FNDC3B: variants seen among roughly 807,000 people sequenced by gnomAD.
FNDC3B encodes fibronectin type III domain-containing protein 3B.
A neutral mutation model predicts 151.5 loss-of-function variants in FNDC3B; 12 were observed. The observed-to-expected ratio is 0.08, with a 90% CI of 0.05 to 0.13. The LOEUF is 0.13. FNDC3B is among the 10% of genes least tolerant of loss of function. The pLI, the probability that FNDC3B is intolerant of heterozygous loss-of-function variation, is 1.00. For missense variants in FNDC3B, 1,214 were observed against 1,505.3 expected, an observed-to-expected ratio of 0.81 and a Z score of 3.20; for synonymous variants, 528 against 549.0, an observed-to-expected ratio of 0.96 and a Z score of 0.54.
chr3:172,328,615 G>A (rs1732473439), intron 11 of FNDC3B, among the ~76,000 whole-genome samples: 1 of 152,206 alleles, frequency 6.6e-6, no homozygotes, highest in South Asian at 2.1e-4. Flanking sequence ...TAAGTAAGGA[G>A]GAGGATCTTA....
intron 11 of FNDC3B, among the ~76,000 whole-genome samples, chr3:172,326,681 C>A (rs1484725988): frequency 6.6e-6 from 1 of 152,172 alleles, no homozygotes; most frequent in Non-Finnish European, 1.5e-5. Context: ...CTTTAGTGAG[C>A]GTGAGTGCTC....
intron 3 of FNDC3B, among the ~76,000 whole-genome samples, chr3:172,150,574 A>C (rs1722168618): frequency 6.6e-6 from 1 of 151,970 alleles, no homozygotes; most frequent in Non-Finnish European, 1.5e-5. Context: ...CATTTTGTCA[A>C]ATCTATGCCA....
At chr3:172,284,501 T>C (rs923719288) in intron 6 of FNDC3B, among the ~76,000 whole-genome samples, 19 of 152,042 alleles carry the variant, frequency 1.2e-4, no homozygotes, top group African/African-American at 4.4e-4. Context: ...AAATAGCATG[T>C]AAGAGTGACA....
intron 4 of FNDC3B, among the ~76,000 whole-genome samples, chr3:172,242,978 A>C (rs1727577140): frequency 6.6e-6 from 1 of 152,162 alleles, no homozygotes; most frequent in Non-Finnish European, 1.5e-5. Flanking sequence ...GATACCCTAA[A>C]TCATCTCTTT....
chr3:172,306,214 G>T (rs1454193717), intron 9 of FNDC3B, among the ~76,000 whole-genome samples: 2 of 152,142 alleles, frequency 1.3e-5, no homozygotes, highest in African/African-American at 2.4e-5. Context: ...GTGTTCATTG[G>T]GTAGGGCTAA....
intron 1 of FNDC3B, among the ~76,000 whole-genome samples, chr3:172,093,327 T>C (rs1021930322): frequency 6.6e-5 from 10 of 151,530 alleles, no homozygotes; most frequent in African/African-American, 1.7e-4. Context: ...GGCACTATCT[T>C]GGCTCACTGC....
chr3:172,316,451 A>G (rs926403121), intron 11 of FNDC3B: 3 of 456,072 alleles, frequency 6.6e-6, no homozygotes, highest in East Asian at 6.9e-5. Context: ...GGGTTGAGTC[A>G]TTCATAAATG....
chr3:172,294,791 A>G (rs1484008007), intron 7 of FNDC3B, among the ~76,000 whole-genome samples: 2 of 152,240 alleles, frequency 1.3e-5, no homozygotes, highest in African/African-American at 4.8e-5. Flanking sequence ...TCTTCGGTTC[A>G]AATGAAATCT....
chr3:172,105,512 G>A (rs922836704), intron 1 of FNDC3B, among the ~76,000 whole-genome samples: 2 of 151,438 alleles, frequency 1.3e-5, no homozygotes, highest in African/African-American at 4.9e-5. Context: ...ATACAGCAAA[G>A]CTGTGTTTTC....
intron 11 of FNDC3B, among the ~76,000 whole-genome samples, chr3:172,320,908 A>T (rs1393721095): frequency 6.6e-6 from 1 of 152,238 alleles, no homozygotes; most frequent in Non-Finnish European, 1.5e-5. Context: ...AACTTGAAAA[A>T]GTTCTTTTGT....
chr3:172,193,859 G>A (rs1392567646), intron 3 of FNDC3B, among the ~76,000 whole-genome samples: 1 of 152,184 alleles, frequency 6.6e-6, no homozygotes, highest in African/African-American at 2.4e-5. Flanking sequence ...ACTGAAGGGT[G>A]AATGGAAGAA....
chr3:172,256,929 C>A (rs1728373036), intron 6 of FNDC3B, among the ~76,000 whole-genome samples: 1 of 151,852 alleles, frequency 6.6e-6, no homozygotes, highest in South Asian at 2.1e-4. Flanking sequence ...GTCACAATTT[C>A]CAAACTTTTT....
rs1716012915 is a variant in FNDC3B at position 172,040,978 on chromosome 3, G to A, written c.-29+1207G>A. Among the ~76,000 whole-genome samples, 1 of 152,224 alleles carries A rather than the reference G, an allele frequency of 6.6e-6. No individual in the cohort carries two copies. The highest frequency in any genetic ancestry group is 2.1e-4 in the South Asian group (1 of 4,834). On this transcript the variant is annotated intron_variant, in intron 1 of 25. Transcript: ENST00000415807. This position sits in a 1 kb window ranked among gnomAD's most constrained non-coding sequence, Gnocchi z 6.6. ...TCTCAGCTCCCACCCTGCCATCCCA[G>A]ACGAAGGGAAGCAATGGCATTTTAT...
chr3:172,197,777 G>GA (rs1320713693), intron 3 of FNDC3B, among the ~76,000 whole-genome samples: 1 of 152,222 alleles, frequency 6.6e-6, no homozygotes, highest in Non-Finnish European at 1.5e-5. Context: ...GAACATCACA[G>GA]AAGTGACACT....
chr3:172,235,007 A>G (rs540610260), intron 4 of FNDC3B, among the ~76,000 whole-genome samples: 13 of 152,130 alleles, frequency 8.5e-5, no homozygotes, highest in Non-Finnish European at 1.8e-4. Flanking sequence ...TCTTTATTGT[A>G]CCAAGGAACC....
At chr3:172,065,653 C>G (rs183396254) in intron 1 of FNDC3B, among the ~76,000 whole-genome samples, 1 of 152,186 alleles carries the variant, frequency 6.6e-6, no homozygotes, top group Admixed American at 6.5e-5. Context: ...GCATTAGCAA[C>G]GTGGCAGTTA....
chr3:172,256,700 T>A (rs1295557041), intron 6 of FNDC3B, among the ~76,000 whole-genome samples: 1 of 152,224 alleles, frequency 6.6e-6, no homozygotes, highest in Admixed American at 6.5e-5. Flanking sequence ...CTGAAATCCT[T>A]CAATTTTCAG....
At chr3:172,317,427 G>T (rs968163200) in intron 11 of FNDC3B, among the ~76,000 whole-genome samples, 7 of 151,778 alleles carry the variant, frequency 4.6e-5, no homozygotes, top group African/African-American at 1.7e-4. Flanking sequence ...CTCGTGATCC[G>T]CCTGCCTCGG....
At chr3:172,367,008 A>G (rs1431460882) in intron 23 of FNDC3B, among the ~76,000 whole-genome samples, 1 of 152,226 alleles carries the variant, frequency 6.6e-6, no homozygotes, top group Non-Finnish European at 1.5e-5. Flanking sequence ...GGGATCCCAA[A>G]GAGCATCTTG....
Sources: gnomAD v4.1 joint callset for allele counts (sites outside exome capture counted in the v4.1 genomes callset) on GRCh38, gnomAD v4.1.1 for gene constraint, Gnocchi (gnomAD v3.1) non-coding constraint, MANE v1.5 for transcripts, NCBI Gene and HGNC (gene_info 2026-07-23, HGNC 2026-07-21) for gene names.